The following EIF5 variants were observed in gnomAD, a reference collection of about 807,000 sequenced individuals.
EIF5 encodes the protein eukaryotic translation initiation factor 5.
A neutral mutation model predicts 48.3 loss-of-function variants in EIF5; 10 were observed. That is an observed-to-expected ratio of 0.21 (90% CI 0.13 to 0.35). The LOEUF is 0.35. EIF5 is among the 10% of genes least tolerant of loss of function. The pLI, the probability that EIF5 is intolerant of heterozygous loss-of-function variation, is 1.00. For missense variants in EIF5, 397 were observed against 533.2 expected, an observed-to-expected ratio of 0.74 and a Z score of 2.51; for synonymous variants, 237 against 173.1, an observed-to-expected ratio of 1.37 and a Z score of -2.90.
rs772640945 is a variant in EIF5 at position 103,344,344 on chromosome 14, T to G, written c.*3292T>G. 6.6e-6 allele frequency: 1 copy of G among 152,220 alleles called. No homozygotes were observed. The highest frequency in any genetic ancestry group is 2.4e-5 in the African/African-American group (1 of 41,458). The allele number at this position is 152,220 out of a possible 1,614,324, so 9.4% of individuals were successfully genotyped here. A position where few individuals can be genotyped will look rare whatever the true frequency, so the allele number is the denominator to read the frequency against. On this transcript the variant is annotated 3_prime_UTR_variant, in exon 12 of 12. Transcript: ENST00000216554. ...ACTTGTGTGTGCTGGGATATGAGAATAGAAGCTACAGAGTTCTTTTCTTGG... is the reference window on the plus strand; with the variant it reads ...ACTTGTGTGTGCTGGGATATGAGAAGAGAAGCTACAGAGTTCTTTTCTTGG...
At chr14:103,337,367 G>T in intron 6 of EIF5, 140 bp downstream of exon 6, 1 of 672,392 alleles carries the variant, frequency 1.5e-6, no homozygotes, top group Non-Finnish European at 2.5e-6. Flanking sequence ...CATTTTGGGA[G>T]GCCAGGGCGG....
chr14:103,339,473 A>G (rs2089327645), intron 9 of EIF5, 140 bp downstream of exon 9: 3 of 1,403,360 alleles, frequency 2.1e-6, no homozygotes, highest in Non-Finnish European at 2.9e-6. Context: ...AGTATCTGAA[A>G]GTGCCATACC....
At chr14:103,337,627 C>T (rs746658503) in intron 6 of EIF5, 6 of 325,712 alleles carry the variant, frequency 1.8e-5, no homozygotes, top group African/African-American at 4.4e-5. Context: ...CCTTTTAGTC[C>T]TTGTACTATA....
chr14:103,338,725 T>G lies in EIF5; in HGVS notation c.586-10T>G, dbSNP rs1432478285. ...GGCCTTTGATCAAGTAGCTCTGTTT[T>G]CATAAACAGGAAGAAGAGGAGGATG... On this transcript the variant is annotated splice_polypyrimidine_tract_variant and intron_variant, in intron 7 of 11. Coordinates refer to ENST00000216554, the MANE Select transcript of EIF5 (RefSeq NM_001969.5). 1 of 1,611,386 alleles carries G rather than the reference T, an allele frequency of 6.2e-7. No homozygotes were observed. Among genetic ancestry groups the G allele is most frequent in the Admixed American group, 1.7e-5 (1 of 59,260 alleles).
At chr14:103,340,655 G>T in intron 11 of EIF5, 94 bp downstream of exon 11, 1 of 1,490,606 alleles carries the variant, frequency 6.7e-7, no homozygotes, top group African/African-American at 1.4e-5. Context: ...TGGCAGTTTG[G>T]GGTAATTTCA....
At chr14:103,336,596 A>AGT in intron 4 of EIF5, 81 bp from the exon 5 acceptor site, 1 of 1,365,644 alleles carries the variant, frequency 7.3e-7, no homozygotes, top group Non-Finnish European at 9.8e-7. Context: ...AAAAAAAAAA[A>AGT]GTGGTGTTCG....
In EIF5 at chr14:103,340,927, T is replaced by C. The variant is rs372361513; in HGVS notation, c.1207-36T>C. ...TTGATTTGTTTTATAAACAGATTTA[T>C]CAGCTTATGTTGAATAAAATCATTC... On this transcript the variant is annotated intron_variant, in intron 11 of 11. Coordinates refer to ENST00000216554, the MANE Select transcript of EIF5 (RefSeq NM_001969.5). 1.3e-5 allele frequency: 20 copies of C among 1,590,310 alleles called. No homozygotes were observed. In the East Asian group the frequency reaches 3.1e-4, roughly 25 times the overall value.
Position 103,344,824 on chromosome 14 carries a change from A to G in EIF5, c.*3772A>G, listed in dbSNP as rs2089395551. 1 of 152,248 alleles carries G rather than the reference A, an allele frequency of 6.6e-6. No individual in the cohort carries two copies. The highest frequency in any genetic ancestry group is 1.5e-5 in the Non-Finnish European group (1 of 68,042). 9.4% of individuals were successfully genotyped at this position (152,248 alleles called of 1,614,324 possible). ...AAATCCAAATGAAAGTAAATGGAAT[A>G]AATGTATCAGGTAAAGGACAAGTTG... On this transcript the variant is annotated 3_prime_UTR_variant, in exon 12 of 12. Coordinates refer to ENST00000216554, the MANE Select transcript of EIF5 (RefSeq NM_001969.5).
chr14:103,339,288 G>A lies in EIF5; in HGVS notation c.861G>A (p.Glu287=). 6.2e-7 allele frequency: 1 copy of A among 1,609,184 alleles called. No homozygotes were observed. ...TTCTAACTGAAGTTCTTTTTAATGA[G>A]AAGATTAGAGAACAGATTAAGAAAT... is the stretch of plus-strand genomic sequence containing the variant. ...PLVLTEVLFN[E]KIREQIKKYR... is the part of the protein sequence containing the mutation. The change falls in exon 9 of 12, where the codon GAG becomes GAA. Residue 287 remains glutamate, a synonymous_variant. Coordinates refer to ENST00000216554, the MANE Select transcript of EIF5 (RefSeq NM_001969.5).
At chr14:103,335,562 C>T in intron 2 of EIF5, 91 bp from the exon 3 acceptor site, 1 of 452,850 alleles carries the variant, frequency 2.2e-6, no homozygotes, top group Non-Finnish European at 4.0e-6. Flanking sequence ...TAAGCAGAAG[C>T]ATAACTAGGA....
At chr14:103,339,571 T>C in intron 9 of EIF5, 68 bp from the exon 10 acceptor site, 1 of 1,604,096 alleles carries the variant, frequency 6.2e-7, no homozygotes, top group Non-Finnish European at 8.5e-7. Flanking sequence ...ACACTCTTAT[T>C]TGGGTAATAG....
At position 103,336,634 on chromosome 14, in the gene EIF5, C is replaced by G. The variant is rs369431111; in HGVS notation, c.155-43C>G. The G allele has an allele frequency of 2.0e-4, 312 of 1,542,960 alleles. 2 individuals are homozygous for G. The highest frequency in any genetic ancestry group is 1.4e-3 in the Middle Eastern group (8 of 5,756). On this transcript the variant is annotated intron_variant, in intron 4 of 11. Coordinates refer to ENST00000216554, the MANE Select transcript of EIF5 (RefSeq NM_001969.5). Reference sequence around the variant, plus strand: ...CAAATGTGAGTGAGTAGCCAGAGATCTAGTTAACTGTAACGATCCAAACTC... The same window carrying G: ...CAAATGTGAGTGAGTAGCCAGAGATGTAGTTAACTGTAACGATCCAAACTC...
At chr14:103,334,691 G>A (rs1409419418) in intron 2 of EIF5, 94 bp downstream of exon 2, 2 of 146,542 alleles carry the variant, frequency 1.4e-5, no homozygotes, top group Admixed American at 1.4e-4. Flanking sequence ...CGCAGTTTGG[G>A]CGGACGGCGG....
chr14:103,338,178 G>A (rs908817659), intron 6 of EIF5, 149 bp from the exon 7 acceptor site: 8 of 1,090,796 alleles, frequency 7.3e-6, no homozygotes, highest in Non-Finnish European at 1.1e-5. Flanking sequence ...AATTTGATCT[G>A]TGAAGCCTCT....
intron 9 of EIF5, 31 bp downstream of exon 9, chr14:103,339,364 G>A: frequency 6.4e-7 from 1 of 1,570,018 alleles, no homozygotes. Flanking sequence ...TCATAAATGA[G>A]ATTACAGTTG....
chr14:103,338,652 G>A, intron 7 of EIF5, 83 bp from the exon 8 acceptor site: 3 of 1,553,882 alleles, frequency 1.9e-6, no homozygotes, highest in Non-Finnish European at 2.6e-6. Flanking sequence ...AGATGGACTT[G>A]ATGCCATTAA....
At position 103,336,631 on chromosome 14, in the gene EIF5, G is replaced by A. The variant is rs1027768069; in HGVS notation, c.155-46G>A. On this transcript the variant is annotated intron_variant, in intron 4 of 11. Transcript: ENST00000216554. ...GTACAAATGTGAGTGAGTAGCCAGA[G>A]ATCTAGTTAACTGTAACGATCCAAA... 16 of 1,537,540 alleles carry A rather than the reference G, an allele frequency of 1.0e-5. No individual in the cohort carries two copies. In the Admixed American group the frequency reaches 2.0e-4, roughly 19 times the overall value.
intron 6 of EIF5, chr14:103,337,589 C>T: frequency 6.0e-6 from 2 of 331,994 alleles, no homozygotes; most frequent in Admixed American, 4.7e-5. Context: ...GCAACAGCGA[C>T]TCTGTCTCAA....
chr14:103,338,912 C>T lies in EIF5; in HGVS notation c.744+19C>T. 2 of 1,610,160 alleles carry T rather than the reference C, an allele frequency of 1.2e-6. No individual in the cohort carries two copies. The highest frequency in any genetic ancestry group is 1.7e-6 in the Non-Finnish European group (2 of 1,177,802). On this transcript the variant is annotated intron_variant, in intron 8 of 11. Transcript: ENST00000216554. ...TGTTAAGGTAAAACATTTGCTTGGT[C>T]TGTAAATCAGCTTCAACCCAGCCTT...
Sources: allele counts gnomAD v4.1 joint callset, GRCh38; gene constraint gnomAD v4.1.1; transcripts MANE v1.5; gene names NCBI Gene and HGNC (gene_info 2026-07-23, HGNC 2026-07-21).